Variants in TRPM3 observed in about 807,000 individuals in gnomAD.
The protein encoded by TRPM3 is transient receptor potential cation channel subfamily M member 3.
In TRPM3, 77 loss-of-function variants were observed where a neutral mutation model predicts 181.2. The observed-to-expected ratio is 0.42, with a 90% confidence interval of 0.35 to 0.51. TRPM3 has a LOEUF of 0.51. Among genes scored for constraint, TRPM3 ranks in the 20% least tolerant of loss-of-function variants. The probability of loss-of-function intolerance (pLI) is 0.01; values close to 1 mark genes in which losing one functional copy is unlikely to be tolerated. For missense variants in TRPM3, 1,759 were observed against 2,196.7 expected, an observed-to-expected ratio of 0.80 and a Z score of 3.98; for synonymous variants, 745 against 796.4, an observed-to-expected ratio of 0.94 and a Z score of 1.09.
chr9:71,046,745 A>G (rs10113933), intron 1 of TRPM3, among the ~76,000 whole-genome samples: 7,333 of 152,296 alleles, frequency 0.048, 298 homozygotes, highest in African/African-American at 0.11. Context: ...TATAATTTAA[A>G]ATGGATTTAC....
chr9:71,118,330 A>G (rs56287878), intron 1 of TRPM3, among the ~76,000 whole-genome samples: 11,007 of 152,274 alleles, frequency 0.072, 470 homozygotes, highest in Admixed American at 0.14. Context: ...AGGAGGAATA[A>G]TAAGTACATT....
intron 1 of TRPM3, among the ~76,000 whole-genome samples, chr9:70,916,454 A>T (rs2096595454): frequency 6.6e-6 from 1 of 152,228 alleles, no homozygotes; most frequent in African/African-American, 2.4e-5. Context: ...AGTAGAGTAC[A>T]GTAAGGTATA....
chr9:70,851,204 C>T (rs1057068281), intron 3 of TRPM3, among the ~76,000 whole-genome samples: 12 of 152,078 alleles, frequency 7.9e-5, no homozygotes, highest in Non-Finnish European at 2.9e-5. Context: ...ACAAAATAAC[C>T]AGAATACAAG....
chr9:70,849,808 T>TAA (rs34416385), intron 3 of TRPM3, among the ~76,000 whole-genome samples: 55,621 of 151,918 alleles, frequency 0.37, 10,558 homozygotes, highest in Non-Finnish European at 0.38. Context: ...TTTTGATTTA[T>TAA]ATAAGATTAT....
At position 71,056,583 on chromosome 9, in the gene TRPM3, T is replaced by C. The variant is rs373669402; in HGVS notation, c.177+64595A>G. On this transcript the variant is annotated intron_variant, in intron 1 of 25. Coordinates refer to ENST00000677713, the MANE Select transcript of TRPM3 (RefSeq NM_001366145.2). ...GTGACTGTATTTGGAGATAGGGTCT[T>C]ATAAAAATTATTAAGTTAAAATTAA... Among the ~76,000 whole-genome samples, 215 of 152,120 alleles carry C rather than the reference T, an allele frequency of 1.4e-3. 3 individuals are homozygous for C. The South Asian group carries it at 0.043, about 31-fold the overall frequency.
intron 1 of TRPM3, among the ~76,000 whole-genome samples, chr9:71,420,653 AAGAAAAAGAG>A (rs2093717258): frequency 1.1e-5 from 1 of 87,526 alleles, no homozygotes; most frequent in Non-Finnish European, 3.1e-5. Flanking sequence ...GAGAAAGAGA[AAGAAAAAGAG>A]AAAGAAAGAG....
chr9:71,377,616 A>C (rs1161089009), intron 1 of TRPM3, among the ~76,000 whole-genome samples: 4 of 151,988 alleles, frequency 2.6e-5, no homozygotes, highest in Non-Finnish European at 4.4e-5. Flanking sequence ...TTTTTTATGT[A>C]AAGTTTTATT....
chr9:71,218,248 C>T (rs148057285), intron 1 of TRPM3, among the ~76,000 whole-genome samples: 4 of 152,262 alleles, frequency 2.6e-5, no homozygotes, highest in Non-Finnish European at 5.9e-5. Context: ...TCCTCTTTAT[C>T]TCAGATATAC....
intron 1 of TRPM3, among the ~76,000 whole-genome samples, chr9:71,247,215 G>T (rs1048805132): frequency 1.3e-5 from 2 of 152,002 alleles, no homozygotes; most frequent in Non-Finnish European, 2.9e-5. Flanking sequence ...TTAGCTGGGC[G>T]TGGTGGCACA....
intron 1 of TRPM3, among the ~76,000 whole-genome samples, chr9:70,986,768 A>G (rs1333035234): frequency 6.6e-6 from 1 of 152,156 alleles, no homozygotes; most frequent in Non-Finnish European, 1.5e-5. Flanking sequence ...AATCTAGTGG[A>G]GCCTCTTTAG....
chr9:70,844,167 G>C (rs1176052402), intron 4 of TRPM3, among the ~76,000 whole-genome samples: 1 of 152,152 alleles, frequency 6.6e-6, no homozygotes, highest in African/African-American at 2.4e-5. Context: ...CTAGCCTAGA[G>C]GAAGGGCTCA....
chr9:71,387,582 T>C (rs1315213406), intron 1 of TRPM3, among the ~76,000 whole-genome samples: 2 of 152,202 alleles, frequency 1.3e-5, no homozygotes, highest in Non-Finnish European at 2.9e-5. Flanking sequence ...ATATTTGTTG[T>C]TGGCAAAGTA....
At chr9:71,183,924 G>A (rs957194254) in intron 1 of TRPM3, among the ~76,000 whole-genome samples, 5 of 152,032 alleles carry the variant, frequency 3.3e-5, no homozygotes, top group African/African-American at 9.7e-5. Flanking sequence ...TCATTTGCCC[G>A]TTACTATACA....
chr9:71,110,025 ACT>A (rs766928471), intron 1 of TRPM3, among the ~76,000 whole-genome samples: 4 of 152,196 alleles, frequency 2.6e-5, no homozygotes, highest in Non-Finnish European at 5.9e-5. Context: ...ATTTTGAAGA[ACT>A]GAGACTGCAT....
chr9:71,146,275 G>A (rs2075402475), intron 1 of TRPM3, among the ~76,000 whole-genome samples: 1 of 152,100 alleles, frequency 6.6e-6, no homozygotes, highest in South Asian at 2.1e-4. Flanking sequence ...TCACCGTGGT[G>A]CCGTTTGCAG....
intron 1 of TRPM3, among the ~76,000 whole-genome samples, chr9:70,965,073 T>C (rs895067752): frequency 6.6e-6 from 1 of 152,068 alleles, no homozygotes; most frequent in African/African-American, 2.4e-5. Flanking sequence ...GACTTCTAGC[T>C]TCTCCCAGAA....
rs146344917 is a variant in TRPM3 at position 71,437,235 on chromosome 9, T to G, written c.183+9418A>C. On this transcript the variant is annotated intron_variant, in intron 1 of 24. Coordinates refer to the TRPM3 transcript ENST00000357533. The stretch of plus-strand genomic sequence containing the variant: ...CTGCTTATAAAATTATTTCAGCTAA[T>G]AAATGAAAAAGGAAAGACAGAATCA... Among the ~76,000 whole-genome samples, 408 of 152,222 alleles carry G rather than the reference T, an allele frequency of 2.7e-3. 2 individuals carry two copies. Among genetic ancestry groups the G allele is most frequent in the Admixed American group, 4.6e-3 (70 of 15,308 alleles).
Position 70,535,396 on chromosome 9 carries a change from G to A in TRPM3, c.*557C>T, listed in dbSNP as rs1047766546. ...ACAGAAGTGTTGGCATGAGAAGGAT[G>A]TGGGACGTTAGGTAGAACTGCTTGC... On this transcript the variant is annotated 3_prime_UTR_variant, in exon 26 of 26. Coordinates refer to ENST00000677713, the MANE Select transcript of TRPM3 (RefSeq NM_001366145.2). 4 of 1,549,374 alleles carry A rather than the reference G, an allele frequency of 2.6e-6. No individual in the cohort carries two copies. Among genetic ancestry groups the A allele is most frequent in the African/African-American group, 1.4e-5 (1 of 73,002 alleles).
intron 9 of TRPM3, among the ~76,000 whole-genome samples, chr9:70,671,200 A>G (rs1353672662): frequency 6.6e-6 from 1 of 152,104 alleles, no homozygotes; most frequent in Non-Finnish European, 1.5e-5. Flanking sequence ...GTGTATTATT[A>G]TTATTATTTC....
Sources: allele counts gnomAD v4.1 joint callset (sites outside exome capture counted in the v4.1 genomes callset), GRCh38; gene constraint gnomAD v4.1.1; transcripts MANE v1.5; gene names NCBI Gene and HGNC (gene_info 2026-07-23, HGNC 2026-07-21).